The following LIMA1 variants were observed in gnomAD, a reference collection of about 807,000 sequenced individuals.
The protein encoded by LIMA1 is LIM domain and actin-binding protein 1.
A neutral mutation model predicts 62.6 loss-of-function variants in LIMA1; 52 were observed. The ratio of observed to expected loss-of-function variants is 0.83; its 90% confidence interval spans 0.67 to 1.05. LIMA1 has a LOEUF of 1.05. Ranked by LOEUF, LIMA1 falls within the 50% of genes least tolerant of loss-of-function variation. The pLI, the probability that LIMA1 is intolerant of heterozygous loss-of-function variation, is 0.00. For missense variants in LIMA1, 780 were observed against 902.2 expected, an observed-to-expected ratio of 0.86 and a Z score of 1.74; for synonymous variants, 302 against 317.8, an observed-to-expected ratio of 0.95 and a Z score of 0.53.
chr12:50,238,837 G>A lies in LIMA1; in HGVS notation c.120-7127C>T, dbSNP rs536336263. The stretch of plus-strand genomic sequence containing the variant: ...TGCACTCCAGCCTGGGCGACAGAGC[G>A]AGGCTCTGTCTCACGAAGAAAAAAA... On this transcript the variant is annotated intron_variant, in intron 2 of 10. Coordinates refer to ENST00000341247, the MANE Select transcript of LIMA1 (RefSeq NM_016357.5). 1.7e-3 allele frequency among the ~76,000 whole-genome samples: 250 copies of A among 150,774 alleles called. 5 individuals are homozygous for A. The Middle Eastern group carries it at 0.034, about 21-fold the overall frequency.
chr12:50,253,342 G>T (rs1486609335), intron 1 of LIMA1, among the ~76,000 whole-genome samples: 1 of 152,124 alleles, frequency 6.6e-6, no homozygotes, highest in Non-Finnish European at 1.5e-5. Context: ...CTACAGGATT[G>T]GTTTTATTGT....
chr12:50,222,441 A>G lies in LIMA1; in HGVS notation c.210T>C (p.Thr70=). The change falls in exon 4 of 11, where the codon ACT becomes ACC. Residue 70 remains threonine, a synonymous_variant. Coordinates refer to ENST00000341247, the MANE Select transcript of LIMA1 (RefSeq NM_016357.5). ...LSQHFRKGTL[T]VLKKKWENPG... Reference sequence around the variant, plus strand: ...GGTTCTCCCACTTCTTCTTTAACACAGTCAGGGTCCCCTTTCTAAAGTGCT... The same window carrying G: ...GGTTCTCCCACTTCTTCTTTAACACGGTCAGGGTCCCCTTTCTAAAGTGCT... 1 of 1,614,170 alleles carries G rather than the reference A, an allele frequency of 6.2e-7. No homozygotes were observed. Among genetic ancestry groups the G allele is most frequent in the Non-Finnish European group, 8.5e-7 (1 of 1,180,028 alleles).
intron 1 of LIMA1, among the ~76,000 whole-genome samples, chr12:50,269,691 G>A (rs1942180677): frequency 6.6e-6 from 1 of 151,798 alleles, no homozygotes; most frequent in South Asian, 2.1e-4. Flanking sequence ...AGGCCGAGGC[G>A]GGAGGATCAC....
At position 50,248,774 on chromosome 12, in the gene LIMA1, C is replaced by T. The variant is rs201306661; in HGVS notation, c.-23G>A. 6.5e-5 allele frequency: 87 copies of T among 1,329,682 alleles called. 1 individual carries two copies. In the East Asian group the frequency reaches 1.8e-3, roughly 27 times the overall value. The allele number at this position is 1,329,682 out of a possible 1,614,324, so 82.4% of individuals were successfully genotyped here. A position where few individuals can be genotyped will look rare whatever the true frequency, so the allele number is the denominator to read the frequency against. ...CATCTTGTCTACAGACACTGAAATA[C>T]CTATGCAATAAAGAAAGTCAGAACA... On this transcript the variant is annotated splice_region_variant and 5_prime_UTR_variant, in exon 2 of 11. Transcript: ENST00000341247.
chr12:50,252,569 G>A (rs564790422), intron 1 of LIMA1, among the ~76,000 whole-genome samples: 47 of 97,188 alleles, frequency 4.8e-4, no homozygotes, highest in African/African-American at 1.6e-3. Context: ...TGACAAGAGC[G>A]AAACTGTCTC....
intron 1 of LIMA1, among the ~76,000 whole-genome samples, chr12:50,270,233 CAAAAAAAAAAAAAAAAAA>C (rs60610107): frequency 1.5e-5 from 1 of 68,404 alleles, no homozygotes; most frequent in East Asian, 5.4e-4. Context: ...GAAACTCTGT[CAAAAAAAAAAAAAAAAAA>C]AAAAAAAAGG....
intron 1 of LIMA1, among the ~76,000 whole-genome samples, chr12:50,275,148 G>A (rs1182529772): frequency 1.3e-5 from 2 of 152,104 alleles, no homozygotes; most frequent in African/African-American, 4.8e-5. Flanking sequence ...CTTGAGGCCA[G>A]GAGTTCTAGA....
At chr12:50,224,048 A>AT (rs1941490869) in intron 3 of LIMA1, among the ~76,000 whole-genome samples, 1 of 152,020 alleles carries the variant, frequency 6.6e-6, no homozygotes, top group Admixed American at 6.6e-5. Flanking sequence ...AAAAAAAAAA[A>AT]GAAAAATTAA....
At chr12:50,188,598 T>G (rs1940684410) in intron 9 of LIMA1, 1 of 152,190 alleles carries the variant, frequency 6.6e-6, no homozygotes, top group Non-Finnish European at 1.5e-5. Context: ...ACTACTATTC[T>G]ACTGCTGAGT....
intron 3 of LIMA1, among the ~76,000 whole-genome samples, chr12:50,230,390 G>A (rs1232928500): frequency 1.3e-5 from 2 of 151,934 alleles, no homozygotes; most frequent in Admixed American, 1.3e-4. Flanking sequence ...TAAATTCCAC[G>A]AGGGCTGGGA....
At chr12:50,185,023 G>C (rs1201969819) in intron 9 of LIMA1, among the ~76,000 whole-genome samples, 1 of 152,078 alleles carries the variant, frequency 6.6e-6, no homozygotes, top group Non-Finnish European at 1.5e-5. Flanking sequence ...GTAGAGATGG[G>C]GTTTCACCAT....
At chr12:50,197,350 G>GT (rs1479467858) in intron 7 of LIMA1, among the ~76,000 whole-genome samples, 2 of 151,746 alleles carry the variant, frequency 1.3e-5, no homozygotes, top group Admixed American at 6.6e-5. Context: ...GATTACAGGC[G>GT]TGAGCCACCT....
At position 50,200,191 on chromosome 12, in the gene LIMA1, G is replaced by A. The variant is rs145949453; in HGVS notation, c.972+586C>T. On this transcript the variant is annotated intron_variant, in intron 7 of 10. Coordinates refer to ENST00000341247, the MANE Select transcript of LIMA1 (RefSeq NM_016357.5). ...ATTACAGGCGTGAGCCACCACACTC[G>A]GCCCGAATAGATTTTTATTTTATTT... Among the ~76,000 whole-genome samples, 37 of 138,608 alleles carry A rather than the reference G, an allele frequency of 2.7e-4. 2 individuals carry two copies. The East Asian group carries it at 7.3e-3, about 27-fold the overall frequency. The allele number at this position is 138,608 out of a possible 152,430, so 90.9% of individuals were successfully genotyped here. A position where few individuals can be genotyped will look rare whatever the true frequency, so the allele number is the denominator to read the frequency against.
At chr12:50,261,416 T>C (rs1942071968) in intron 1 of LIMA1, among the ~76,000 whole-genome samples, 1 of 152,076 alleles carries the variant, frequency 6.6e-6, no homozygotes, top group African/African-American at 2.4e-5. Flanking sequence ...CATATGGATT[T>C]TGCACAAGCT....
chr12:50,273,171 T>A (rs1942236451), intron 1 of LIMA1, among the ~76,000 whole-genome samples: 2 of 151,944 alleles, frequency 1.3e-5, no homozygotes, highest in Non-Finnish European at 2.9e-5. Context: ...GCCAGGCTGG[T>A]CTCGAACTCC....
intron 1 of LIMA1, among the ~76,000 whole-genome samples, chr12:50,276,311 T>C: frequency 6.6e-6 from 1 of 152,172 alleles, no homozygotes; most frequent in East Asian, 1.9e-4. Context: ...GCTTTCTCCT[T>C]AGTGAATCTG....
Position 50,231,649 on chromosome 12 carries a change from AT to A in LIMA1, c.165+15del, listed in dbSNP as rs144632911. Reference sequence around the variant, plus strand: ...CTCAAGAAGTGCCACATGCCCTGGAATTTCTGAATACTTACACTTCTCTTCT... The same window carrying A: ...CTCAAGAAGTGCCACATGCCCTGGAATTCTGAATACTTACACTTCTCTTCT... On this transcript the variant is annotated intron_variant, in intron 3 of 10. Transcript: ENST00000341247. The A allele has an allele frequency of 2.6e-3, 4,121 of 1,613,444 alleles. 83 individuals carry two copies. In the African/African-American group the frequency reaches 0.035, roughly 14 times the overall value.
intron 3 of LIMA1, among the ~76,000 whole-genome samples, chr12:50,223,391 G>A (rs987611371): frequency 5.9e-5 from 9 of 151,422 alleles, no homozygotes; most frequent in Admixed American, 3.9e-4. Flanking sequence ...GCTGAGGCAG[G>A]AGAATCGCTT....
At chr12:50,253,536 C>A (rs1941956404) in intron 1 of LIMA1, among the ~76,000 whole-genome samples, 1 of 152,170 alleles carries the variant, frequency 6.6e-6, no homozygotes, top group African/African-American at 2.4e-5. Context: ...AGAAAACCAG[C>A]TAGAAAAATC....
Sources: gnomAD v4.1 joint callset for allele counts (sites outside exome capture counted in the v4.1 genomes callset) on GRCh38, gnomAD v4.1.1 for gene constraint, MANE v1.5 for transcripts, NCBI Gene and HGNC (gene_info 2026-07-23, HGNC 2026-07-21) for gene names.